The following ITFG1 variants were observed in gnomAD, a reference collection of about 807,000 sequenced individuals.
ITFG1 encodes integrin alpha FG-GAP repeat containing 1, also known as T-cell immunomodulatory protein.
A neutral mutation model predicts 81.8 loss-of-function variants in ITFG1; 34 were observed. That is an observed-to-expected ratio of 0.42 (90% CI 0.32 to 0.55). ITFG1 has a LOEUF of 0.55. Among genes scored for constraint, ITFG1 ranks in the 20% least tolerant of loss-of-function variants. ITFG1 has a pLI of 0.17. For missense variants in ITFG1, 672 were observed against 755.4 expected (o/e 0.89, Z 1.29); for synonymous variants, 285 against 270.6 (o/e 1.05, Z -0.52).
At chr16:47,231,041 C>A (rs1318627261) in intron 13 of ITFG1, among the ~76,000 whole-genome samples, 1 of 152,252 alleles carries the variant, frequency 6.6e-6, no homozygotes. Context: ...AGCCACCGCG[C>A]CCAGCCCAAA....
intron 6 of ITFG1, among the ~76,000 whole-genome samples, chr16:47,400,743 G>A (rs1241111230): frequency 1.3e-5 from 2 of 152,052 alleles, no homozygotes; most frequent in Non-Finnish European, 1.5e-5. Flanking sequence ...CAAAGAGGTA[G>A]GGGAGGATCT....
intron 8 of ITFG1, among the ~76,000 whole-genome samples, chr16:47,353,773 G>GA (rs914477673): frequency 6.6e-6 from 1 of 151,290 alleles, no homozygotes; most frequent in Non-Finnish European, 1.5e-5. Flanking sequence ...AAGAAATCAA[G>GA]AAAAAAATCC....
intron 8 of ITFG1, among the ~76,000 whole-genome samples, chr16:47,330,392 T>A (rs1402818386): frequency 6.6e-6 from 1 of 152,048 alleles, no homozygotes; most frequent in African/African-American, 2.4e-5. Flanking sequence ...GGAAAAGAAT[T>A]TATGACTAAG....
At chr16:47,335,999 TATACTC>T (rs1418827177) in intron 8 of ITFG1, among the ~76,000 whole-genome samples, 1 of 152,198 alleles carries the variant, frequency 6.6e-6, no homozygotes, top group Non-Finnish European at 1.5e-5. Flanking sequence ...TAAAATGTCA[TATACTC>T]ATACAATGGA....
At chr16:47,289,471 T>C (rs549468465) in intron 10 of ITFG1, among the ~76,000 whole-genome samples, 17 of 152,308 alleles carry the variant, frequency 1.1e-4, no homozygotes, top group African/African-American at 4.1e-4. Context: ...CTGAAGCTAC[T>C]GGGTCCTGGG....
rs1209339101 is a variant in ITFG1 at position 47,334,341 on chromosome 16, T to C, written c.803-20518A>G. ...TACTTAAGAGGCTGAGGTGAGAGGA[T>C]TGCTTGACCTGGGGAGGTTGAGGCT... On this transcript the variant is annotated intron_variant, in intron 8 of 17. Transcript: ENST00000320640. 4.6e-5 allele frequency among the ~76,000 whole-genome samples: 7 copies of C among 152,070 alleles called. No homozygotes were observed. The East Asian group carries it at 9.7e-4, about 21-fold the overall frequency.
chr16:47,222,253 T>C (rs578048195), intron 13 of ITFG1, among the ~76,000 whole-genome samples: 4 of 151,796 alleles, frequency 2.6e-5, no homozygotes, highest in South Asian at 2.1e-4. Flanking sequence ...TACACACTGC[T>C]TTGAATGTGT....
At chr16:47,300,625 C>G (rs931996849) in intron 10 of ITFG1, among the ~76,000 whole-genome samples, 1 of 152,162 alleles carries the variant, frequency 6.6e-6, no homozygotes, top group Non-Finnish European at 1.5e-5. Flanking sequence ...GGGCTGCTGT[C>G]TATGCATCTC....
chr16:47,286,509 G>T (rs908148292), intron 10 of ITFG1, among the ~76,000 whole-genome samples: 2 of 151,924 alleles, frequency 1.3e-5, no homozygotes, highest in Non-Finnish European at 2.9e-5. Context: ...GCATGGTGGC[G>T]GGTGCCTGTA....
chr16:47,367,927 C>T (rs1333405575), intron 7 of ITFG1, among the ~76,000 whole-genome samples: 3 of 152,140 alleles, frequency 2.0e-5, no homozygotes, highest in Non-Finnish European at 4.4e-5. Context: ...GTGTCAAGTG[C>T]TTTTTCATTT....
intron 14 of ITFG1, among the ~76,000 whole-genome samples, chr16:47,170,404 T>G (rs1168018791): frequency 6.6e-6 from 1 of 152,092 alleles, no homozygotes; most frequent in African/African-American, 2.4e-5. Flanking sequence ...TTGGGTCAGT[T>G]TTGTATTGTG....
chr16:47,401,901 AC>A (rs897105534), intron 6 of ITFG1, among the ~76,000 whole-genome samples: 11 of 150,454 alleles, frequency 7.3e-5, no homozygotes, highest in African/African-American at 2.5e-4. Flanking sequence ...GACTCCCACT[AC>A]CCCCCATCCC....
chr16:47,290,397 G>A (rs1966891851), intron 10 of ITFG1, among the ~76,000 whole-genome samples: 1 of 152,136 alleles, frequency 6.6e-6, no homozygotes, highest in Non-Finnish European at 1.5e-5. Flanking sequence ...ATCTAATGCT[G>A]AGAGTGGTTA....
intron 14 of ITFG1, among the ~76,000 whole-genome samples, chr16:47,211,157 C>A (rs1965556374): frequency 6.6e-6 from 1 of 152,184 alleles, no homozygotes; most frequent in Admixed American, 6.5e-5. Flanking sequence ...AATCTATGAA[C>A]CTTGCGTATC....
intron 14 of ITFG1, among the ~76,000 whole-genome samples, chr16:47,185,378 T>TAAAACACTCCTCAGC (rs1965197300): frequency 6.6e-6 from 1 of 151,236 alleles, no homozygotes; most frequent in Non-Finnish European, 1.5e-5. Context: ...TACTTGGAAG[T>TAAAACACTCCTCAGC]AAATGTAAAA....
At chr16:47,395,512 T>A (rs771292951) in intron 6 of ITFG1, among the ~76,000 whole-genome samples, 16 of 152,292 alleles carry the variant, frequency 1.1e-4, no homozygotes, top group Non-Finnish European at 1.5e-5. Context: ...TGTATTACAG[T>A]CTAAACCCAT....
At chr16:47,344,325 A>G (rs1164597918) in intron 8 of ITFG1, among the ~76,000 whole-genome samples, 3 of 152,180 alleles carry the variant, frequency 2.0e-5, no homozygotes, top group African/African-American at 7.2e-5. Flanking sequence ...GTCATCTGGG[A>G]CTGTGGTAGG....
At chr16:47,257,212 C>T (rs562612239) in intron 12 of ITFG1, among the ~76,000 whole-genome samples, 27 of 152,236 alleles carry the variant, frequency 1.8e-4, no homozygotes, top group South Asian at 6.2e-4. Context: ...TTGCAGAAGA[C>T]GAAGTTGTCT....
At chr16:47,254,289 A>C (rs1407215836) in intron 12 of ITFG1, among the ~76,000 whole-genome samples, 1 of 152,166 alleles carries the variant, frequency 6.6e-6, no homozygotes, top group Non-Finnish European at 1.5e-5. Flanking sequence ...ATATGCATAC[A>C]TTTTCCCACG....
Sources: gnomAD v4.1 joint callset for allele counts (sites outside exome capture counted in the v4.1 genomes callset) on GRCh38, gnomAD v4.1.1 for gene constraint, MANE v1.5 for transcripts, NCBI Gene and HGNC (gene_info 2026-07-23, HGNC 2026-07-21) for gene names.